COL4A1: variants seen among roughly 807,000 people sequenced by gnomAD.
The protein encoded by COL4A1 is collagen type IV alpha 1 chain.
COL4A1 carries 40 observed loss-of-function variants against 216.6 expected under a neutral mutation model. That is an observed-to-expected ratio of 0.18 (90% CI 0.14 to 0.24). The LOEUF is 0.24. Among genes scored for constraint, COL4A1 ranks in the 10% least tolerant of loss-of-function variants. COL4A1 has a pLI of 1.00. For synonymous variants in COL4A1, 839 were observed against 810.7 expected, an observed-to-expected ratio of 1.03 and a Z score of -0.59; for missense variants, 1,628 against 2,196.8, an observed-to-expected ratio of 0.74 and a Z score of 5.18.
intron 2 of COL4A1, among the ~76,000 whole-genome samples, chr13:110,215,560 C>T (rs78263370): frequency 1.5e-5 from 1 of 65,626 alleles, no homozygotes; most frequent in Non-Finnish European, 3.1e-5. Flanking sequence ...GACTCTGTCT[C>T]AAAAAAAAAA....
chr13:110,283,941 A>G (rs1883738988), intron 1 of COL4A1, among the ~76,000 whole-genome samples: 1 of 152,244 alleles, frequency 6.6e-6, no homozygotes, highest in Admixed American at 6.5e-5. Context: ...CCCAAGGAAC[A>G]GCGCTGTATG....
chr13:110,155,208 G>C, intron 50 of COL4A1, 75 bp downstream of exon 50: 1 of 1,041,812 alleles, frequency 9.6e-7, no homozygotes, highest in South Asian at 1.3e-5. Flanking sequence ...AAGGTGTGGA[G>C]GCACCAGACA....
intron 2 of COL4A1, among the ~76,000 whole-genome samples, chr13:110,231,216 G>A (rs1390166030): frequency 6.6e-6 from 1 of 152,228 alleles, no homozygotes; most frequent in Non-Finnish European, 1.5e-5. Context: ...GGGACACAGA[G>A]AGTCAAACAG....
At chr13:110,283,924 C>T (rs1430585764) in intron 1 of COL4A1, among the ~76,000 whole-genome samples, 1 of 152,216 alleles carries the variant, frequency 6.6e-6, no homozygotes, top group Non-Finnish European at 1.5e-5. Flanking sequence ...AAAAGCTCTC[C>T]CTCCAGCCCA....
chr13:110,165,162 C>G (rs558188798), intron 45 of COL4A1, among the ~76,000 whole-genome samples, 172 bp from the exon 46 acceptor site: 6 of 152,162 alleles, frequency 3.9e-5, no homozygotes, highest in Non-Finnish European at 8.8e-5. Context: ...CCAATCTGCA[C>G]ATCTTTATTA....
intron 41 of COL4A1, among the ~76,000 whole-genome samples, chr13:110,171,110 G>A (rs1877624113): frequency 6.6e-6 from 1 of 152,270 alleles, no homozygotes; most frequent in Non-Finnish European, 1.5e-5. Context: ...AGCCAATCAT[G>A]TTATATCCAT....
At chr13:110,227,563 G>C (rs910539018) in intron 2 of COL4A1, among the ~76,000 whole-genome samples, 1 of 152,130 alleles carries the variant, frequency 6.6e-6, no homozygotes, top group African/African-American at 2.4e-5. Context: ...CCCACTCCCA[G>C]GGTCTGAGGT....
Position 110,207,499 on chromosome 13 carries a change from T to C in COL4A1, c.694-10A>G, listed in dbSNP as rs1317402812. On this transcript the variant is annotated splice_polypyrimidine_tract_variant and intron_variant, in intron 12 of 51. Coordinates refer to ENST00000375820, the MANE Select transcript of COL4A1 (RefSeq NM_001845.6). This position sits in a 1 kb window ranked among gnomAD's most constrained non-coding sequence, Gnocchi z 4.4. ...TGACCCCTTGGTCACCCTGTCGACA[T>C]AAAAATGTAAAATTAATTAGGCATG... is the stretch of plus-strand genomic sequence containing the variant. 6.2e-7 allele frequency: 1 copy of C among 1,609,652 alleles called. No individual in the cohort carries two copies. Among genetic ancestry groups the C allele is most frequent in the Non-Finnish European group, 8.5e-7 (1 of 1,175,978 alleles).
intron 1 of COL4A1, among the ~76,000 whole-genome samples, chr13:110,272,769 G>A (rs1384995734): frequency 1.3e-5 from 2 of 152,140 alleles, no homozygotes; most frequent in African/African-American, 2.4e-5. Context: ...GTTGCTTTTC[G>A]CTACACCCTG....
rs1159420201 is a variant in COL4A1, at chr13:110,194,929, C to A, written c.1381+94G>T. On this transcript the variant is annotated intron_variant, in intron 22 of 51. Coordinates refer to ENST00000375820, the MANE Select transcript of COL4A1 (RefSeq NM_001845.6). ...AAAAGGAACCTACGCCCTAACTCTG[C>A]CCACCCCCACTTGGCTCCAAAGCCG... The A allele has an allele frequency of 1.0e-5, 10 of 1,002,268 alleles. No homozygotes were observed. In the African/African-American group the frequency reaches 1.6e-4, roughly 16 times the overall value. 62.1% of individuals were successfully genotyped at this position (1,002,268 alleles called of 1,614,324 possible).
chr13:110,246,489 T>C (rs1380829123), intron 1 of COL4A1, among the ~76,000 whole-genome samples: 5 of 152,216 alleles, frequency 3.3e-5, no homozygotes, highest in Non-Finnish European at 7.3e-5. Context: ...AAGGGGTACA[T>C]AAATAATGCA....
chr13:110,214,093 C>CTATA, intron 2 of COL4A1, 78 bp from the exon 3 acceptor site: 3 of 1,131,456 alleles, frequency 2.7e-6, no homozygotes, highest in African/African-American at 3.1e-5. Context: ...ACTGTGATGG[C>CTATA]TATATATATA....
chr13:110,274,238 T>G (rs1183295732), intron 1 of COL4A1, among the ~76,000 whole-genome samples: 3 of 152,266 alleles, frequency 2.0e-5, no homozygotes, highest in South Asian at 2.1e-4. Flanking sequence ...AGTCCATGGT[T>G]TTCTTCTCTA....
At chr13:110,157,440 G>A (rs1290518675) in intron 49 of COL4A1, among the ~76,000 whole-genome samples, 6 of 152,312 alleles carry the variant, frequency 3.9e-5, no homozygotes, top group African/African-American at 1.4e-4. Context: ...GAGCTGAGAA[G>A]GAACCTGTAA....
chr13:110,185,135 T>TTTATTTATTTAC (rs1411182549), intron 26 of COL4A1, among the ~76,000 whole-genome samples: 4 of 151,482 alleles, frequency 2.6e-5, no homozygotes, highest in African/African-American at 9.7e-5. Context: ...ATCCAGCTAC[T>TTTATTTATTTAC]TTATTTATTT....
At chr13:110,254,003 A>C (rs74591016) in intron 1 of COL4A1, among the ~76,000 whole-genome samples, 14,962 of 152,122 alleles carry the variant, frequency 0.098, 942 homozygotes, top group East Asian at 0.2. Context: ...AAAATGCTCC[A>C]AAATATAAAA....
intron 1 of COL4A1, among the ~76,000 whole-genome samples, chr13:110,276,847 A>G (rs1883450374): frequency 6.6e-6 from 1 of 152,180 alleles, no homozygotes; most frequent in Non-Finnish European, 1.5e-5. Flanking sequence ...CAAACTGGTG[A>G]CCCGCAGGCC....
At position 110,244,083 on chromosome 13, in the gene COL4A1, T is replaced by C. The variant is rs144427746; in HGVS notation, c.85-1349A>G. 2.1e-4 allele frequency among the ~76,000 whole-genome samples: 32 copies of C among 152,324 alleles called. No individual in the cohort carries two copies. In the East Asian group the frequency reaches 5.8e-3, roughly 28 times the overall value. On this transcript the variant is annotated intron_variant, in intron 1 of 51. Coordinates refer to ENST00000375820, the MANE Select transcript of COL4A1 (RefSeq NM_001845.6). The stretch of plus-strand genomic sequence containing the variant: ...CTGCTTTAAGTCTGATATAAAATGT[T>C]TACTTATATTCTACTTCAGGTGATT...
rs902749493 is a variant in COL4A1 at position 110,290,669 on chromosome 13, C to T, written c.84+16275G>A. On this transcript the variant is annotated intron_variant, in intron 1 of 51. Transcript: ENST00000375820. ...TCCACCAGACCCACTCTCCACCCCA[C>T]TTTTATTTTAGTTTTTATTTTGTTT... 2.0e-5 allele frequency among the ~76,000 whole-genome samples: 3 copies of T among 152,182 alleles called. No homozygotes were observed. The East Asian group carries it at 5.8e-4, about 29-fold the overall frequency.
Sources: gnomAD v4.1 joint callset for allele counts (sites outside exome capture counted in the v4.1 genomes callset) on GRCh38, gnomAD v4.1.1 for gene constraint, Gnocchi (gnomAD v3.1) non-coding constraint, MANE v1.5 for transcripts, NCBI Gene and HGNC (gene_info 2026-07-23, HGNC 2026-07-21) for gene names.